Variants in SH3RF3 observed in about 807,000 individuals in gnomAD.
The protein encoded by SH3RF3 is E3 ubiquitin-protein ligase SH3RF3.
A neutral mutation model predicts 66.3 loss-of-function variants in SH3RF3; 29 were observed. That is an observed-to-expected ratio of 0.44 (90% CI 0.33 to 0.60). The LOEUF is 0.60. Ranked by LOEUF, SH3RF3 falls within the 20% of genes least tolerant of loss-of-function variation. The pLI is 0.04. For missense variants in SH3RF3, 1,194 were observed against 1,190.9 expected, an observed-to-expected ratio of 1.00 and a Z score of -0.04; for synonymous variants, 583 against 532.0, an observed-to-expected ratio of 1.10 and a Z score of -1.32.
At chr2:109,337,834 C>T (rs1682460216) in intron 1 of SH3RF3, among the ~76,000 whole-genome samples, 2 of 151,882 alleles carry the variant, frequency 1.3e-5, no homozygotes, top group African/African-American at 4.8e-5. Flanking sequence ...CTCAAGTGAT[C>T]CTCCCACCTC....
chr2:109,466,794 T>C (rs1184973624), intron 8 of SH3RF3, among the ~76,000 whole-genome samples: 1 of 152,024 alleles, frequency 6.6e-6, no homozygotes, highest in African/African-American at 2.4e-5. Context: ...TGCATGTGTG[T>C]ATCTATATGT....
intron 1 of SH3RF3, among the ~76,000 whole-genome samples, chr2:109,225,327 C>A (rs945187111): frequency 1.3e-5 from 2 of 152,222 alleles, no homozygotes; most frequent in Non-Finnish European, 2.9e-5. Context: ...GTGGAGAGAC[C>A]TGCAAGTAAC....
At chr2:109,331,116 A>G (rs1408227353) in intron 1 of SH3RF3, among the ~76,000 whole-genome samples, 3 of 152,208 alleles carry the variant, frequency 2.0e-5, no homozygotes. Flanking sequence ...CAAGATGGCC[A>G]GGAGATAAAC....
chr2:109,138,854 C>T (rs575965704), intron 1 of SH3RF3, among the ~76,000 whole-genome samples: 136 of 152,334 alleles, frequency 8.9e-4, no homozygotes, highest in African/African-American at 3.0e-3. Context: ...GTTGCAAATA[C>T]TGTGTTAAGC....
At chr2:109,357,139 T>C (rs1367961803) in intron 2 of SH3RF3, among the ~76,000 whole-genome samples, 2 of 151,064 alleles carry the variant, frequency 1.3e-5, no homozygotes, top group Non-Finnish European at 2.9e-5. Context: ...ATCATAATTA[T>C]GCAGCTTGAT....
At chr2:109,287,474 G>A (rs151050904) in intron 1 of SH3RF3, among the ~76,000 whole-genome samples, 32 of 152,290 alleles carry the variant, frequency 2.1e-4, no homozygotes, top group African/African-American at 7.0e-4. Flanking sequence ...ACCTAAGAGA[G>A]ATACCTCCCT....
At chr2:109,290,830 A>T (rs1383348711) in intron 1 of SH3RF3, among the ~76,000 whole-genome samples, 2 of 152,250 alleles carry the variant, frequency 1.3e-5, no homozygotes, top group East Asian at 3.8e-4. Context: ...TGCCTGAAAC[A>T]TCTTTTCCAT....
chr2:109,254,342 C>T (rs1680168908), intron 1 of SH3RF3, among the ~76,000 whole-genome samples: 2 of 152,120 alleles, frequency 1.3e-5, no homozygotes, highest in South Asian at 4.1e-4. Context: ...CTGTATAATC[C>T]TGTGCAAGTT....
chr2:109,236,088 A>G (rs910451255), intron 1 of SH3RF3, among the ~76,000 whole-genome samples: 5 of 152,162 alleles, frequency 3.3e-5, no homozygotes, highest in African/African-American at 1.2e-4. Context: ...CTATTATAAT[A>G]TGCATGAAGC....
chr2:109,323,803 C>G (rs1307612125), intron 1 of SH3RF3, among the ~76,000 whole-genome samples: 3 of 152,192 alleles, frequency 2.0e-5, no homozygotes, highest in Non-Finnish European at 4.4e-5. Context: ...TTTTAGGTCT[C>G]CAAATATTTC....
At chr2:109,340,795 A>G (rs1471441145) in intron 1 of SH3RF3, among the ~76,000 whole-genome samples, 1 of 152,230 alleles carries the variant, frequency 6.6e-6, no homozygotes, top group East Asian at 1.9e-4. Flanking sequence ...AACTAAGCCC[A>G]AGGTACTTTG....
At chr2:109,152,779 C>T (rs3889200) in intron 1 of SH3RF3, among the ~76,000 whole-genome samples, 62,829 of 152,034 alleles carry the variant, frequency 0.41, 14,955 homozygotes, top group Non-Finnish European at 0.54. Context: ...CCCTCCCAGG[C>T]CCGATGGCCT....
intron 1 of SH3RF3, among the ~76,000 whole-genome samples, chr2:109,138,863 G>A (rs895622762): frequency 1.4e-4 from 22 of 152,322 alleles, no homozygotes; most frequent in African/African-American, 5.3e-4. Context: ...ACTGTGTTAA[G>A]CACTGGAATA....
intron 8 of SH3RF3, among the ~76,000 whole-genome samples, chr2:109,467,912 C>A (rs1181629778): frequency 6.6e-6 from 1 of 152,214 alleles, no homozygotes; most frequent in African/African-American, 2.4e-5. Flanking sequence ...TGCACCAACA[C>A]CCCAGGGCGC....
At chr2:109,187,071 A>G (rs1574493004) in intron 1 of SH3RF3, among the ~76,000 whole-genome samples, 1 of 150,178 alleles carries the variant, frequency 6.7e-6, no homozygotes, top group Non-Finnish European at 1.5e-5. Flanking sequence ...GGATCATTTA[A>G]GCATATTTTG....
chr2:109,368,334 C>G (rs1683188457), intron 2 of SH3RF3, among the ~76,000 whole-genome samples: 1 of 152,120 alleles, frequency 6.6e-6, no homozygotes, highest in Admixed American at 6.5e-5. Context: ...AATACATTCC[C>G]CAGTTCAAGA....
intron 1 of SH3RF3, among the ~76,000 whole-genome samples, chr2:109,301,335 CGT>C (rs10611024): frequency 0.38 from 50,210 of 131,868 alleles, 12,033 homozygotes; most frequent in African/African-American, 0.72. Context: ...ATCTGTGTGA[CGT>C]GTGTGTGTGT....
At chr2:109,449,547 T>C in intron 8 of SH3RF3, 58 bp downstream of exon 8, 11 of 1,569,740 alleles carry the variant, frequency 7.0e-6, no homozygotes, top group East Asian at 2.3e-5. Flanking sequence ...ACTGTAACTT[T>C]TTGGCACTAG....
chr2:109,297,282 G>A (rs541988586), intron 1 of SH3RF3, among the ~76,000 whole-genome samples: 3 of 152,092 alleles, frequency 2.0e-5, no homozygotes, highest in Admixed American at 6.5e-5. Context: ...AATGCTGTAC[G>A]TAACAGAGAA....
Sources: allele counts gnomAD v4.1 joint callset (sites outside exome capture counted in the v4.1 genomes callset), GRCh38; gene constraint gnomAD v4.1.1; transcripts MANE v1.5; gene names NCBI Gene and HGNC (gene_info 2026-07-23, HGNC 2026-07-21).